Variants in SNX7 observed in about 807,000 individuals in gnomAD.
SNX7 encodes the protein sorting nexin 7.
Under a neutral mutation model 48.4 loss-of-function variants are expected in SNX7, and 35 were observed. The observed-to-expected ratio is 0.72, with a 90% CI of 0.55 to 0.96. The LOEUF (loss-of-function observed/expected upper bound fraction) is 0.96. Ranked by LOEUF, SNX7 falls within the 40% of genes least tolerant of loss-of-function variation. SNX7 has a pLI of 0.00. For missense variants in SNX7, 553 were observed against 548.9 expected (o/e 1.01, Z -0.07); for synonymous variants, 190 against 190.2 (o/e 1.00, Z 0.01).
chr1:98,750,031 C>G (rs1218600461), intron 8 of SNX7, among the ~76,000 whole-genome samples: 3 of 151,942 alleles, frequency 2.0e-5, no homozygotes, highest in African/African-American at 7.2e-5. Context: ...AGTAGAAGCA[C>G]AACAGCTTTA....
Position 98,698,834 on chromosome 1 carries a change from C to G in SNX7, c.967C>G (p.Arg323Gly), listed in dbSNP as rs150092347. 6.2e-7 allele frequency: 1 copy of G among 1,613,724 alleles called. No homozygotes were observed. Among genetic ancestry groups the G allele is most frequent in the South Asian group, 1.1e-5 (1 of 91,070 alleles). ...CAGATGCTGTAAGGCCACTGAAAAG[C>G]GGATGTCTGGACTCTCAGAGGCCCT... ...IDRCCKATEKRMSGLSEALLP... is the reference protein window; with the variant it reads ...IDRCCKATEKGMSGLSEALLP... The change falls in exon 6 of 9, where the codon CGG (arginine) becomes GGG (glycine). Residue 323 changes from arginine to glycine, a missense_variant. Physicochemically the swap from Arg to Gly is moderately radical, Grantham distance 125. Coordinates refer to ENST00000306121, the MANE Select transcript of SNX7 (RefSeq NM_015976.5).
intron 7 of SNX7, among the ~76,000 whole-genome samples, chr1:98,723,958 C>T (rs969092933): frequency 3.9e-5 from 4 of 101,988 alleles, no homozygotes; most frequent in African/African-American, 5.9e-5. Context: ...TCATTGTTAG[C>T]TGGCAAAAAA....
At chr1:98,718,639 C>A (rs1057319302) in intron 7 of SNX7, among the ~76,000 whole-genome samples, 3 of 152,038 alleles carry the variant, frequency 2.0e-5, no homozygotes, top group Non-Finnish European at 4.4e-5. Context: ...AGAAAACACA[C>A]CCAGTGAAAA....
At chr1:98,748,579 G>C (rs954688087) in intron 8 of SNX7, among the ~76,000 whole-genome samples, 1 of 151,064 alleles carries the variant, frequency 6.6e-6, no homozygotes, top group Non-Finnish European at 1.5e-5. Flanking sequence ...GTAAATGACA[G>C]ACTACATACT....
chr1:98,744,924 G>A (rs949864290), intron 8 of SNX7, among the ~76,000 whole-genome samples: 1 of 151,942 alleles, frequency 6.6e-6, no homozygotes, highest in Non-Finnish European at 1.5e-5. Context: ...TACTTACCCA[G>A]AAGAAATGCA....
At chr1:98,677,569 A>G (rs1377144251) in intron 1 of SNX7, among the ~76,000 whole-genome samples, 1 of 152,192 alleles carries the variant, frequency 6.6e-6, no homozygotes, top group Non-Finnish European at 1.5e-5. Flanking sequence ...ACAAGCCATG[A>G]CATGTCAAAT....
At chr1:98,680,208 T>A (rs1650403737) in intron 1 of SNX7, among the ~76,000 whole-genome samples, 1 of 152,188 alleles carries the variant, frequency 6.6e-6, no homozygotes, top group African/African-American at 2.4e-5. Context: ...TCTGAAACCA[T>A]GACCTGAGCT....
Position 98,691,064 on chromosome 1 carries a change from A to ACTTT in SNX7, c.364-7_364-4dup, listed in dbSNP as rs1200450250. The ACTTT allele has an allele frequency of 5.1e-6, 8 of 1,570,550 alleles. No homozygotes were observed. The highest frequency in any genetic ancestry group is 7.0e-6 in the Non-Finnish European group (8 of 1,146,124). ...ATTGCATGTGCTGTTATTTTCTCTT[A>ACTTT]CTTTCTTCAGACATCTCGTGGGGAA... On this transcript the variant is annotated splice_polypyrimidine_tract_variant and intron_variant, in intron 2 of 8. Coordinates refer to ENST00000306121, the MANE Select transcript of SNX7 (RefSeq NM_015976.5).
Position 98,691,553 on chromosome 1 carries a change from A to T in SNX7, c.493A>T (p.Ile165Leu). ...LIIPPLPEKF[I>L]VKGMVERFND... Reference sequence around the variant, plus strand: ...GCCTTAGCCATTGCCAGAAAAGTTTATAGTAAAAGGAATGGTGGAACGCTT... The same window carrying T: ...GCCTTAGCCATTGCCAGAAAAGTTTTTAGTAAAAGGAATGGTGGAACGCTT... Residue 165 changes from isoleucine to leucine, a missense_variant, in exon 4 of 9, where the codon ATA becomes TTA. Physicochemically the swap from Ile to Leu is conservative, Grantham distance 5. Transcript: ENST00000306121. 6.3e-7 allele frequency: 1 copy of T among 1,587,352 alleles called. No individual in the cohort carries two copies. The highest frequency in any genetic ancestry group is 1.2e-5 in the South Asian group (1 of 86,026).
At chr1:98,728,326 A>G (rs1219642550) in intron 7 of SNX7, among the ~76,000 whole-genome samples, 2 of 152,204 alleles carry the variant, frequency 1.3e-5, no homozygotes, top group Non-Finnish European at 2.9e-5. Flanking sequence ...CTTTTCAGAC[A>G]AGCAAATGCT....
At chr1:98,749,998 T>C (rs988339699) in intron 8 of SNX7, among the ~76,000 whole-genome samples, 1 of 152,060 alleles carries the variant, frequency 6.6e-6, no homozygotes, top group Non-Finnish European at 1.5e-5. Flanking sequence ...TCTCTAAAAG[T>C]TGCTTTTTGA....
chr1:98,743,540 G>C (rs996183344), intron 8 of SNX7, among the ~76,000 whole-genome samples: 1 of 152,010 alleles, frequency 6.6e-6, no homozygotes, highest in African/African-American at 2.4e-5. Flanking sequence ...AAGGGTATCT[G>C]TCTAGCCAGA....
At chr1:98,693,970 G>A (rs1183440370) in intron 4 of SNX7, among the ~76,000 whole-genome samples, 1 of 151,998 alleles carries the variant, frequency 6.6e-6, no homozygotes, top group Admixed American at 6.6e-5. Context: ...ACTTCTCAAG[G>A]GATATGTTTC....
chr1:98,737,646 G>C (rs993075097), intron 7 of SNX7, among the ~76,000 whole-genome samples: 1 of 152,156 alleles, frequency 6.6e-6, no homozygotes. Flanking sequence ...CACTAAGCCT[G>C]TCCAGTGGCT....
intron 5 of SNX7, among the ~76,000 whole-genome samples, chr1:98,698,127 G>A (rs1045819029): frequency 2.6e-5 from 4 of 152,132 alleles, no homozygotes; most frequent in African/African-American, 9.7e-5. Context: ...AGAATAGTTA[G>A]GAGACCCTTG....
chr1:98,718,807 A>G (rs1652719906), intron 7 of SNX7, among the ~76,000 whole-genome samples: 1 of 152,108 alleles, frequency 6.6e-6, no homozygotes, highest in South Asian at 2.1e-4. Flanking sequence ...GTGTGGTAAT[A>G]CACTCTAAAG....
At chr1:98,677,992 T>C (rs1347613813) in intron 1 of SNX7, among the ~76,000 whole-genome samples, 1 of 103,214 alleles carries the variant, frequency 9.7e-6, no homozygotes, top group Non-Finnish European at 1.7e-5. Flanking sequence ...TGTGTGTGCG[T>C]GTGTGTGTGT....
chr1:98,714,164 T>G (rs1270359030), intron 7 of SNX7, among the ~76,000 whole-genome samples: 1 of 152,164 alleles, frequency 6.6e-6, no homozygotes, highest in Non-Finnish European at 1.5e-5. Context: ...TAGAGGGGTG[T>G]CAATGCCCCA....
In SNX7 at chr1:98,691,691, C is replaced by G. The variant is rs747254200; in HGVS notation, c.631C>G (p.Gln211Glu). The G allele has an allele frequency of 1.1e-5, 17 of 1,602,516 alleles. No individual in the cohort carries two copies. The highest frequency in any genetic ancestry group is 2.3e-5 in the East Asian group (1 of 44,400). Residue 211 changes from glutamine to glutamate, a missense_variant, in exon 4 of 9, where the codon CAA becomes GAA. Coordinates refer to ENST00000306121, the MANE Select transcript of SNX7 (RefSeq NM_015976.5). ...NEDFKIFLTA[Q>E]AWELSSHKKQ... Reference sequence around the variant, plus strand: ...AGACTTCAAAATTTTTCTCACTGCACAAGCTTGGGTAAATGATTTTTATTT... The same window carrying G: ...AGACTTCAAAATTTTTCTCACTGCAGAAGCTTGGGTAAATGATTTTTATTT...
Sources: gnomAD v4.1 joint callset for allele counts (sites outside exome capture counted in the v4.1 genomes callset) on GRCh38, gnomAD v4.1.1 for gene constraint, MANE v1.5 for transcripts, NCBI Gene and HGNC (gene_info 2026-07-23, HGNC 2026-07-21) for gene names.